The following ADGRE3 variants were observed in gnomAD, a reference collection of about 807,000 sequenced individuals.
The protein encoded by ADGRE3 is adhesion G protein-coupled receptor E3, also known as EGF-like module receptor 3.
A neutral mutation model predicts 80.1 loss-of-function variants in ADGRE3; 88 were observed. The observed-to-expected ratio is 1.10, with a 90% CI of 0.93 to 1.31. The LOEUF is 1.31. ADGRE3 is among the 40% of genes most tolerant of loss of function. The probability of loss-of-function intolerance (pLI) is 0.00; values close to 1 mark genes in which losing one functional copy is unlikely to be tolerated. For synonymous variants in ADGRE3, 281 were observed against 294.8 expected, an observed-to-expected ratio of 0.95 and a Z score of 0.48; for missense variants, 715 against 776.5, an observed-to-expected ratio of 0.92 and a Z score of 0.94.
chr19:14,653,930 G>A (rs10402993), intron 6 of ADGRE3, among the ~76,000 whole-genome samples: 120,977 of 150,266 alleles, frequency 0.81, 49,143 homozygotes, highest in African/African-American at 0.91. Context: ...CTTTTTCAAA[G>A]CCTGCTGTGT....
chr19:14,623,584 C>T (rs1396137808), intron 15 of ADGRE3, among the ~76,000 whole-genome samples: 1 of 152,132 alleles, frequency 6.6e-6, no homozygotes, highest in African/African-American at 2.4e-5. Flanking sequence ...CAGAAAGGTC[C>T]CATGATTCCC....
At chr19:14,611,952 C>T in the ADGRE3 span, among the ~76,000 whole-genome samples, 1 of 152,056 alleles carries the variant, frequency 6.6e-6, no homozygotes, top group Non-Finnish European at 1.5e-5. Context: ...TGCAGTGAGC[C>T]GAGATTGTGC....
Position 14,665,936 on chromosome 19 carries a change from G to GTATATATATGCATACATACA in ADGRE3, c.77-2397_77-2396insTGTATGTATGCATATATATA, listed in dbSNP as rs71166783. ...ATATATTGCATATACACACATATGT[G>GTATATATATGCATACATACA]TATATATATATATATATATATATAT... is the stretch of plus-strand genomic sequence containing the variant. On this transcript the variant is annotated intron_variant, in intron 2 of 15. Transcript: ENST00000253673. Among the ~76,000 whole-genome samples the GTATATATATGCATACATACA allele has an allele frequency of 3.1e-4, 13 of 42,102 alleles. 1 individual carries two copies. Among genetic ancestry groups the GTATATATATGCATACATACA allele is most frequent in the African/African-American group, 1.4e-3 (12 of 8,724 alleles). The allele number at this position is 42,102 out of a possible 152,430, so 27.6% of individuals were successfully genotyped here.
intron 4 of ADGRE3, among the ~76,000 whole-genome samples, chr19:14,661,169 C>T (rs1040952887): frequency 3.3e-5 from 5 of 152,054 alleles, no homozygotes; most frequent in East Asian, 1.9e-4. Context: ...CTTGAACTCC[C>T]GGTCTCGAGT....
At chr19:14,619,978 C>A (rs1970491625) in intron 15 of ADGRE3, among the ~76,000 whole-genome samples, 1 of 152,148 alleles carries the variant, frequency 6.6e-6, no homozygotes, top group African/African-American at 2.4e-5. Flanking sequence ...GCAAGAAGTT[C>A]AAAGTTACAT....
intron 14 of ADGRE3, among the ~76,000 whole-genome samples, chr19:14,625,995 G>A (rs1970727835): frequency 6.6e-6 from 1 of 152,120 alleles, no homozygotes; most frequent in Admixed American, 6.6e-5. Flanking sequence ...GATGAATAAA[G>A]TTCCGGAGAT....
chr19:14,607,360 T>G, the ADGRE3 span, among the ~76,000 whole-genome samples: 3 of 133,124 alleles, frequency 2.3e-5, no homozygotes, highest in Non-Finnish European at 3.5e-5. Context: ...CCCATCACCA[T>G]GCCCGGCTAA....
chr19:14,616,221 C>T (rs1347931078), downstream of ADGRE3, among the ~76,000 whole-genome samples: 1 of 152,114 alleles, frequency 6.6e-6, no homozygotes, highest in Non-Finnish European at 1.5e-5. Context: ...CTGCCCATCT[C>T]GGCCTTCCAA....
intron 14 of ADGRE3, among the ~76,000 whole-genome samples, chr19:14,626,322 A>C (rs765561782): frequency 1.3e-5 from 2 of 152,098 alleles, no homozygotes; most frequent in African/African-American, 2.4e-5. Flanking sequence ...CTGTAATCCC[A>C]GCTACTCCAG....
chr19:14,613,694 A>C, the ADGRE3 span, among the ~76,000 whole-genome samples: 1 of 150,654 alleles, frequency 6.6e-6, no homozygotes, highest in Non-Finnish European at 1.5e-5. Context: ...TTATTAAAAA[A>C]ATTTTTTTTG....
At chr19:14,648,631 G>A (rs1457026926) in intron 7 of ADGRE3, among the ~76,000 whole-genome samples, 1 of 152,188 alleles carries the variant, frequency 6.6e-6, no homozygotes, top group Non-Finnish European at 1.5e-5. Context: ...TGCCATGAAG[G>A]TGTTTTAAAG....
the ADGRE3 span, chr19:14,609,933 G>A: frequency 1.1e-3 from 701 of 663,378 alleles, 14 homozygotes; most frequent in South Asian, 0.013. Context: ...ACAGGTGTAA[G>A]GCTCCACACA....
Position 14,636,164 on chromosome 19 carries a change from T to TCCTTTCC in ADGRE3, c.1484+1940_1484+1941insGGAAAGG, listed in dbSNP as rs1381150522. ...TTTCTTTCTTTCTTCCTTTCCTCCT[T>TCCTTTCC]TCCTTTCCTTTCCTTCCTCTTTCTT... is the stretch of plus-strand genomic sequence containing the variant. On this transcript the variant is annotated intron_variant, in intron 11 of 15. Transcript: ENST00000253673. Among the ~76,000 whole-genome samples, 67 of 71,288 alleles carry TCCTTTCC rather than the reference T, an allele frequency of 9.4e-4. 7 individuals are homozygous for TCCTTTCC. Among genetic ancestry groups the TCCTTTCC allele is most frequent in the African/African-American group, 3.2e-3 (61 of 18,906 alleles). 46.8% of individuals were successfully genotyped at this position (71,288 alleles called of 152,430 possible).
intron 4 of ADGRE3, among the ~76,000 whole-genome samples, chr19:14,659,421 G>A (rs893515553): frequency 5.9e-5 from 9 of 152,172 alleles, no homozygotes; most frequent in African/African-American, 9.7e-5. Context: ...AGCCTCTTGT[G>A]TTTAAAGTCA....
chr19:14,655,843 G>T (rs935345737), intron 5 of ADGRE3, among the ~76,000 whole-genome samples: 1 of 151,956 alleles, frequency 6.6e-6, no homozygotes, highest in Non-Finnish European at 1.5e-5. Flanking sequence ...CAACGGGGGG[G>T]TGATTCTGCT....
rs768813856 is a variant in ADGRE3, at chr19:14,654,969, A to T, written c.577+13T>A. On this transcript the variant is annotated intron_variant, in intron 6 of 15. Transcript: ENST00000253673. ...CAGTCCCCAGGGTGTATCAGTCCTC[A>T]TTATTGTCTTACCTACACTATCGTT... is the stretch of plus-strand genomic sequence containing the variant. 1 of 1,611,472 alleles carries T rather than the reference A, an allele frequency of 6.2e-7. No homozygotes were observed. Among genetic ancestry groups the T allele is most frequent in the Non-Finnish European group, 8.5e-7 (1 of 1,178,546 alleles).
intron 7 of ADGRE3, 60 bp from the exon 8 acceptor site, chr19:14,647,425 T>G (rs1480196886): frequency 3.8e-6 from 5 of 1,331,302 alleles, no homozygotes; most frequent in Non-Finnish European, 5.0e-6. Context: ...TTTTTTTTTT[T>G]TTTTGAGACG....
At chr19:14,633,622 G>A (rs1307438289) in intron 11 of ADGRE3, among the ~76,000 whole-genome samples, 2 of 151,050 alleles carry the variant, frequency 1.3e-5, no homozygotes, top group African/African-American at 2.4e-5. Context: ...GGAGAATGGC[G>A]TGAACTCGGT....
chr19:14,629,516 C>G (rs1970821552), intron 14 of ADGRE3, among the ~76,000 whole-genome samples: 1 of 151,974 alleles, frequency 6.6e-6, no homozygotes, highest in African/African-American at 2.4e-5. Context: ...AGTGACCTTG[C>G]CCAGTAGGGT....
Sources: gnomAD v4.1 joint callset for allele counts (sites outside exome capture counted in the v4.1 genomes callset) on GRCh38, gnomAD v4.1.1 for gene constraint, MANE v1.5 for transcripts, NCBI Gene and HGNC (gene_info 2026-07-23, HGNC 2026-07-21) for gene names.